Variants in DAP observed in about 807,000 individuals in gnomAD.
The protein encoded by DAP is death-associated protein 1.
Under a neutral mutation model 13.8 loss-of-function variants are expected in DAP, and 8 were observed. The observed-to-expected ratio is 0.58, with a 90% CI of 0.34 to 1.05. The LOEUF (loss-of-function observed/expected upper bound fraction) is 1.05, where lower values mean the gene tolerates loss of function less well. DAP is among the 50% of genes least tolerant of loss of function. DAP has a pLI of 0.03. For synonymous variants in DAP, 47 were observed against 47.5 expected, an observed-to-expected ratio of 0.99 and a Z score of 0.04; for missense variants, 106 against 133.2, an observed-to-expected ratio of 0.80 and a Z score of 1.01.
At chr5:10,720,888 C>G (rs1486650579) in intron 2 of DAP, among the ~76,000 whole-genome samples, 1 of 152,184 alleles carries the variant, frequency 6.6e-6, no homozygotes, top group Non-Finnish European at 1.5e-5. Flanking sequence ...ATGCTTCTGC[C>G]AAGACTACCA....
intron 2 of DAP, among the ~76,000 whole-genome samples, chr5:10,685,880 A>G (rs1373983364): frequency 6.6e-6 from 1 of 152,196 alleles, no homozygotes. Flanking sequence ...GTGGCTGAGG[A>G]AGCTTGAGTA....
chr5:10,733,454 A>T (rs1739524620), intron 2 of DAP, among the ~76,000 whole-genome samples: 1 of 152,188 alleles, frequency 6.6e-6, no homozygotes. Context: ...CTGGATCTTT[A>T]GCAAAATCTG....
intron 2 of DAP, among the ~76,000 whole-genome samples, chr5:10,727,342 A>C (rs899078285): frequency 6.6e-6 from 1 of 152,180 alleles, no homozygotes; most frequent in Non-Finnish European, 1.5e-5. Flanking sequence ...GCCTGTGGGA[A>C]CGCACAGGGG....
At position 10,680,027 on chromosome 5, in the gene DAP, G is replaced by C. The variant is rs1046907528; in HGVS notation, c.*1029C>G. 1 of 152,556 alleles carries C rather than the reference G, an allele frequency of 6.6e-6. No homozygotes were observed. Among genetic ancestry groups the C allele is most frequent in the Non-Finnish European group, 1.5e-5 (1 of 68,210 alleles). 9.5% of individuals were successfully genotyped at this position (152,556 alleles called of 1,614,324 possible). ...TAGACAGGAAACTCATCTAAAAATC[G>C]GAGGACAACCTGATGCACCCAAGTG... On this transcript the variant is annotated 3_prime_UTR_variant, in exon 4 of 4. Transcript: ENST00000230895.
chr5:10,726,510 G>A (rs574942943), intron 2 of DAP, among the ~76,000 whole-genome samples: 1 of 152,232 alleles, frequency 6.6e-6, no homozygotes, highest in Non-Finnish European at 1.5e-5. Flanking sequence ...GTGCATTCAA[G>A]TTTGGGAGGC....
At chr5:10,725,494 C>T (rs147294004) in intron 2 of DAP, among the ~76,000 whole-genome samples, 3 of 152,324 alleles carry the variant, frequency 2.0e-5, no homozygotes, top group Non-Finnish European at 2.9e-5. Flanking sequence ...CTGCAGAAGC[C>T]GGTGCCGCTG....
intron 2 of DAP, among the ~76,000 whole-genome samples, chr5:10,701,093 T>C (rs996972868): frequency 1.3e-5 from 2 of 152,192 alleles, no homozygotes; most frequent in Non-Finnish European, 2.9e-5. Flanking sequence ...AGGCAAACCA[T>C]GGCATCTGGC....
intron 1 of DAP, among the ~76,000 whole-genome samples, chr5:10,755,344 T>A (rs1244169104): frequency 6.6e-6 from 1 of 152,210 alleles, no homozygotes; most frequent in African/African-American, 2.4e-5. Flanking sequence ...TTTAGCCCAG[T>A]GAGACCCATC....
At chr5:10,757,140 T>C (rs1279969375) in intron 1 of DAP, among the ~76,000 whole-genome samples, 1 of 152,184 alleles carries the variant, frequency 6.6e-6, no homozygotes, top group African/African-American at 2.4e-5. Context: ...GTCTCCCACC[T>C]TGGGAGGAGG....
At chr5:10,746,016 A>C (rs1739895563) in intron 2 of DAP, among the ~76,000 whole-genome samples, 1 of 152,214 alleles carries the variant, frequency 6.6e-6, no homozygotes, top group Admixed American at 6.5e-5. Flanking sequence ...CCTAAATTTA[A>C]AAAAATTATC....
At position 10,683,586 on chromosome 5, in the gene DAP, G is replaced by C; in HGVS notation, c.153-15C>G. 1 of 1,613,694 alleles carries C rather than the reference G, an allele frequency of 6.2e-7. No individual in the cohort carries two copies. Among genetic ancestry groups the C allele is most frequent in the Non-Finnish European group, 8.5e-7 (1 of 1,179,680 alleles). Reference sequence around the variant, plus strand: ...GTTTAGGTGGACTGGAAAAAAAGAAGGGAAAAGGCAGATTTAACAAAACAG... The same window carrying C: ...GTTTAGGTGGACTGGAAAAAAAGAACGGAAAAGGCAGATTTAACAAAACAG... On this transcript the variant is annotated splice_polypyrimidine_tract_variant and intron_variant, in intron 2 of 3. Coordinates refer to ENST00000230895, the MANE Select transcript of DAP (RefSeq NM_004394.3).
chr5:10,682,506 T>G (rs949473680), intron 3 of DAP, among the ~76,000 whole-genome samples: 1 of 151,158 alleles, frequency 6.6e-6, no homozygotes, highest in Admixed American at 6.6e-5. Flanking sequence ...AGCATGGGGT[T>G]TGTGGGTGAG....
intron 2 of DAP, among the ~76,000 whole-genome samples, chr5:10,746,847 C>T (rs1210373868): frequency 6.6e-6 from 1 of 152,194 alleles, no homozygotes; most frequent in African/African-American, 2.4e-5. Context: ...TAGAAGCAGA[C>T]AGGCAGGGTT....
chr5:10,758,866 T>A (rs1460996041), intron 1 of DAP, among the ~76,000 whole-genome samples: 1 of 151,972 alleles, frequency 6.6e-6, no homozygotes, highest in Admixed American at 6.6e-5. Context: ...AAAACCAGAG[T>A]CCAGCAAGGA....
chr5:10,753,213 GC>G (rs1740091067), intron 1 of DAP, among the ~76,000 whole-genome samples: 1 of 152,230 alleles, frequency 6.6e-6, no homozygotes, highest in Admixed American at 6.5e-5. Context: ...CTGCACAGCA[GC>G]CCCACGGAGT....
intron 2 of DAP, among the ~76,000 whole-genome samples, chr5:10,745,808 G>A (rs1051336123): frequency 6.6e-6 from 1 of 152,080 alleles, no homozygotes; most frequent in African/African-American, 2.4e-5. Context: ...CAGGCAAGGC[G>A]ATATCTCTTG....
At chr5:10,736,130 C>G (rs1248979871) in intron 2 of DAP, among the ~76,000 whole-genome samples, 1 of 152,222 alleles carries the variant, frequency 6.6e-6, no homozygotes, top group Non-Finnish European at 1.5e-5. Flanking sequence ...CTATCAGAAG[C>G]TGCGAGACAG....
intron 2 of DAP, among the ~76,000 whole-genome samples, chr5:10,744,645 C>A (rs1390381029): frequency 6.6e-6 from 1 of 152,196 alleles, no homozygotes; most frequent in Non-Finnish European, 1.5e-5. Flanking sequence ...AGACTCAAGG[C>A]TGAATCCTGG....
chr5:10,740,355 A>G (rs1739725692), intron 2 of DAP, among the ~76,000 whole-genome samples: 1 of 152,222 alleles, frequency 6.6e-6, no homozygotes, highest in Non-Finnish European at 1.5e-5. Flanking sequence ...AAGAAGAGAA[A>G]AATGAAGCAA....
Sources: allele counts gnomAD v4.1 joint callset (sites outside exome capture counted in the v4.1 genomes callset), GRCh38; gene constraint gnomAD v4.1.1; transcripts MANE v1.5; gene names NCBI Gene and HGNC (gene_info 2026-07-23, HGNC 2026-07-21).